KDM4C: variants seen among roughly 807,000 people sequenced by gnomAD.
The protein encoded by KDM4C is lysine-specific demethylase 4C.
Under a neutral mutation model 129.3 loss-of-function variants are expected in KDM4C, and 81 were observed. The ratio of observed to expected loss-of-function variants is 0.63; its 90% CI spans 0.52 to 0.75. KDM4C has a LOEUF of 0.75. KDM4C is among the 30% of genes least tolerant of loss of function. KDM4C has a pLI of 0.00. For missense variants in KDM4C, 1,457 were observed against 1,304.0 expected, an observed-to-expected ratio of 1.12 and a Z score of -1.81; for synonymous variants, 573 against 456.1, an observed-to-expected ratio of 1.26 and a Z score of -3.26.
At chr9:7,061,927 G>T (rs563025224) in intron 17 of KDM4C, among the ~76,000 whole-genome samples, 1 of 152,198 alleles carries the variant, frequency 6.6e-6, no homozygotes, top group Non-Finnish European at 1.5e-5. Context: ...GAGACACCTG[G>T]TATCACCAGT....
intron 12 of KDM4C, among the ~76,000 whole-genome samples, chr9:6,992,019 CT>C (rs3072730): frequency 1.0e-4 from 15 of 149,758 alleles, no homozygotes; most frequent in Admixed American, 6.6e-4. Flanking sequence ...AGTTCTTTTT[CT>C]TTTTTTTTTG....
intron 9 of KDM4C, among the ~76,000 whole-genome samples, chr9:6,983,573 GACACACACACACACACACACAC>G (rs56086219): frequency 7.0e-6 from 1 of 142,610 alleles, no homozygotes; most frequent in South Asian, 2.2e-4. Flanking sequence ...GTGTCTTTAT[GACACACACACACACACACACAC>G]ACACACACAC....
chr9:7,024,926 T>C (rs903791619), intron 15 of KDM4C, among the ~76,000 whole-genome samples: 1 of 152,210 alleles, frequency 6.6e-6, no homozygotes, highest in Non-Finnish European at 1.5e-5. Flanking sequence ...TCCACAGTGG[T>C]TGAACTAGTT....
intron 17 of KDM4C, among the ~76,000 whole-genome samples, chr9:7,085,274 G>A (rs2132980059): frequency 6.6e-6 from 1 of 152,318 alleles, no homozygotes; most frequent in South Asian, 2.1e-4. Flanking sequence ...CACTTCTTCG[G>A]ACCTCAGTTT....
At chr9:7,007,577 G>A (rs1401012877) in intron 12 of KDM4C, among the ~76,000 whole-genome samples, 1 of 152,166 alleles carries the variant, frequency 6.6e-6, no homozygotes, top group Non-Finnish European at 1.5e-5. Context: ...CCTACATCAG[G>A]TGTTTTTAAG....
intron 17 of KDM4C, among the ~76,000 whole-genome samples, chr9:7,049,493 A>G (rs1829855592): frequency 6.6e-6 from 1 of 152,226 alleles, no homozygotes; most frequent in East Asian, 1.9e-4. Context: ...AAGATTTGTC[A>G]GTACTGGAGC....
At chr9:7,093,209 C>T (rs1836006451) in intron 17 of KDM4C, among the ~76,000 whole-genome samples, 1 of 152,032 alleles carries the variant, frequency 6.6e-6, no homozygotes. Context: ...TTTTGAGGAC[C>T]TGTTAATGGC....
chr9:7,063,812 A>G (rs1235809526), intron 17 of KDM4C, among the ~76,000 whole-genome samples: 2 of 152,216 alleles, frequency 1.3e-5, no homozygotes, highest in African/African-American at 4.8e-5. Context: ...GGGAGGGTTC[A>G]GAAGAATGAA....
chr9:6,903,581 T>G (rs1817764887), intron 8 of KDM4C, among the ~76,000 whole-genome samples: 1 of 152,162 alleles, frequency 6.6e-6, no homozygotes, highest in Non-Finnish European at 1.5e-5. Flanking sequence ...AAAAGGTGAT[T>G]GTTGTAGTGC....
At chr9:6,837,764 G>C (rs58048488) in intron 4 of KDM4C, among the ~76,000 whole-genome samples, 1 of 152,168 alleles carries the variant, frequency 6.6e-6, no homozygotes, top group African/African-American at 2.4e-5. Flanking sequence ...TGCTCTAGTT[G>C]TGGCTATTCT....
At chr9:7,120,473 A>G (rs1839374448) in intron 18 of KDM4C, among the ~76,000 whole-genome samples, 2 of 152,176 alleles carry the variant, frequency 1.3e-5, no homozygotes, top group African/African-American at 4.8e-5. Context: ...GGATCTTATT[A>G]TTAGTGCTGT....
chr9:7,127,826 CAA>C (rs1442902778), intron 18 of KDM4C: 2 of 376,556 alleles, frequency 5.3e-6, no homozygotes, highest in African/African-American at 4.2e-5. Context: ...CATACACACA[CAA>C]AACCAATGGA....
rs764947912 is a variant in KDM4C, at chr9:6,849,697, C to G, written c.626C>G (p.Ser209Cys). 1.3e-6 allele frequency: 2 copies of G among 1,548,472 alleles called. No individual in the cohort carries two copies. The highest frequency in any genetic ancestry group is 1.7e-4 in the Middle Eastern group (1 of 5,822). ...INYLHFGEPK[S>C]WYAIPPEHGK... ...TATCTCCACTTTGGAGAGCCCAAGT[C>G]TTGGCAAGTTACTTGTTTAATATTC... The change falls in exon 5 of 22, where the codon TCT (serine) becomes TGT (cysteine). Residue 209 changes from serine to cysteine, a missense_variant. Transcript: ENST00000381309.
chr9:7,007,322 A>T (rs1172522436), intron 12 of KDM4C, among the ~76,000 whole-genome samples: 1 of 152,240 alleles, frequency 6.6e-6, no homozygotes, highest in African/African-American at 2.4e-5. Context: ...ATCTTAGTCT[A>T]GGAGTACGGG....
At chr9:6,721,007 G>T (rs368966329) in intron 1 of KDM4C, 2 of 1,550,412 alleles carry the variant, frequency 1.3e-6, no homozygotes, top group South Asian at 1.2e-5. Flanking sequence ...GGTGAGTGCT[G>T]CTCTGAACAT....
intron 1 of KDM4C, among the ~76,000 whole-genome samples, chr9:6,740,242 T>G (rs542677791): frequency 2.0e-3 from 299 of 151,948 alleles, no homozygotes; most frequent in African/African-American, 6.9e-3. Context: ...CTTGCTCTGT[T>G]GCCCAGGCTG....
chr9:7,018,940 C>G (rs116023508), intron 15 of KDM4C, among the ~76,000 whole-genome samples: 1 of 152,270 alleles, frequency 6.6e-6, no homozygotes, highest in Non-Finnish European at 1.5e-5. Flanking sequence ...GAACTGGGAA[C>G]TCTTGAATAT....
intron 14 of KDM4C, chr9:7,014,218 GT>G (rs1823226889): frequency 3.1e-5 from 14 of 448,070 alleles, no homozygotes; most frequent in South Asian, 4.3e-5. Flanking sequence ...AGCAGGTCTG[GT>G]TTTTTTTGTT....
At chr9:7,162,674 G>A (rs902127147) in intron 19 of KDM4C, among the ~76,000 whole-genome samples, 2 of 152,022 alleles carry the variant, frequency 1.3e-5, no homozygotes, top group African/African-American at 4.8e-5. Flanking sequence ...TTATTTTGAG[G>A]GATTTTATTT....
Sources: allele counts gnomAD v4.1 joint callset (sites outside exome capture counted in the v4.1 genomes callset), GRCh38; gene constraint gnomAD v4.1.1; transcripts MANE v1.5; gene names NCBI Gene and HGNC (gene_info 2026-07-23, HGNC 2026-07-21).